LRRC7: variants seen among roughly 807,000 people sequenced by gnomAD.
LRRC7 encodes the protein leucine-rich repeat-containing protein 7.
A neutral mutation model predicts 175.7 loss-of-function variants in LRRC7; 23 were observed. The observed-to-expected ratio is 0.13, with a 90% CI of 0.09 to 0.19. The LOEUF is 0.19. Ranked by LOEUF, LRRC7 falls within the 10% of genes least tolerant of loss-of-function variation. LRRC7 has a pLI of 1.00. For synonymous variants in LRRC7, 685 were observed against 680.9 expected (o/e 1.01, Z -0.09); for missense variants, 1,354 against 1,904.7 (o/e 0.71, Z 5.38).
chr1:69,697,379 A>G (rs1662743655), intron 2 of LRRC7, among the ~76,000 whole-genome samples: 1 of 152,214 alleles, frequency 6.6e-6, no homozygotes, highest in South Asian at 2.1e-4. Context: ...TACCTTGTTC[A>G]ATTCCACTGA....
chr1:69,706,975 A>G (rs1664113020), intron 2 of LRRC7, among the ~76,000 whole-genome samples: 1 of 152,204 alleles, frequency 6.6e-6, no homozygotes, highest in South Asian at 2.1e-4. Flanking sequence ...TACAGAAAAT[A>G]TACAAAAAAG....
At chr1:69,919,628 C>A in intron 7 of LRRC7, 1 of 853,424 alleles carries the variant, frequency 1.2e-6, no homozygotes, top group Non-Finnish European at 2.0e-6. Context: ...CGGCTACATC[C>A]AGAAGATCAA....
At chr1:70,118,063 GCACACACA>G (rs71583108) in intron 26 of LRRC7, among the ~76,000 whole-genome samples, 5 of 146,780 alleles carry the variant, frequency 3.4e-5, no homozygotes, top group African/African-American at 7.6e-5. Context: ...CTTCTTCTAT[GCACACACA>G]CACACACACA....
chr1:69,836,374 T>C (rs1324548853), intron 6 of LRRC7, among the ~76,000 whole-genome samples: 1 of 152,050 alleles, frequency 6.6e-6, no homozygotes, highest in Admixed American at 6.6e-5. Context: ...GCCTTGCCTT[T>C]CTGGTACTGA....
intron 1 of LRRC7, among the ~76,000 whole-genome samples, chr1:69,584,265 T>A (rs1241774667): frequency 6.6e-6 from 1 of 152,122 alleles, no homozygotes; most frequent in Non-Finnish European, 1.5e-5. Flanking sequence ...GAGGTTATTT[T>A]GGGGGTCTTC....
intron 24 of LRRC7, among the ~76,000 whole-genome samples, chr1:70,079,980 C>G (rs2102141782): frequency 6.6e-6 from 1 of 152,260 alleles, no homozygotes; most frequent in South Asian, 2.1e-4. Flanking sequence ...TGTAATTGGC[C>G]AAGCTGGAAT....
intron 2 of LRRC7, among the ~76,000 whole-genome samples, chr1:69,697,923 A>G (rs1410557630): frequency 1.3e-5 from 2 of 152,214 alleles, no homozygotes; most frequent in African/African-American, 4.8e-5. Context: ...CCTTGGAGGC[A>G]AAACCAAATA....
At chr1:69,869,758 G>A (rs1685325344) in intron 7 of LRRC7, among the ~76,000 whole-genome samples, 1 of 152,084 alleles carries the variant, frequency 6.6e-6, no homozygotes. Flanking sequence ...CTTTGATATA[G>A]GGAATAATCA....
intron 11 of LRRC7, 55 bp from the exon 12 acceptor site, chr1:70,011,742 A>G: frequency 1.5e-6 from 2 of 1,324,200 alleles, no homozygotes; most frequent in East Asian, 2.4e-5. Context: ...GGCTTTTTCA[A>G]AACATTTTGC....
chr1:70,104,201 ACT>A (rs1664991844), intron 25 of LRRC7, among the ~76,000 whole-genome samples: 1 of 152,094 alleles, frequency 6.6e-6, no homozygotes, highest in African/African-American at 2.4e-5. Context: ...TTCCCACCAA[ACT>A]CTGTCATCAG....
At chr1:69,806,265 TAA>T (rs1677105819) in intron 4 of LRRC7, among the ~76,000 whole-genome samples, 1 of 151,932 alleles carries the variant, frequency 6.6e-6, no homozygotes, top group African/African-American at 2.4e-5. Context: ...TCATTTCACA[TAA>T]AAGACTCAAT....
intron 25 of LRRC7, among the ~76,000 whole-genome samples, chr1:70,101,149 G>T (rs1342269560): frequency 6.6e-6 from 1 of 152,038 alleles, no homozygotes; most frequent in South Asian, 2.1e-4. Context: ...TAGAAAAAAA[G>T]TTTCCCCCTA....
intron 8 of LRRC7, among the ~76,000 whole-genome samples, chr1:69,946,938 C>T (rs1277460213): frequency 1.3e-5 from 2 of 151,778 alleles, no homozygotes; most frequent in African/African-American, 2.4e-5. Context: ...CTTAGCCACT[C>T]GTGGTGGTGC....
chr1:70,044,172 A>C, intron 22 of LRRC7, 78 bp downstream of exon 22: 1 of 1,486,376 alleles, frequency 6.7e-7, no homozygotes, highest in South Asian at 1.3e-5. Flanking sequence ...TGTTTAGGCT[A>C]TACATACAAC....
At chr1:69,795,654 C>A (rs1268844244) in intron 4 of LRRC7, among the ~76,000 whole-genome samples, 1 of 152,042 alleles carries the variant, frequency 6.6e-6, no homozygotes, top group African/African-American at 2.4e-5. Context: ...GTTAAAATTA[C>A]CTAAAATGTG....
chr1:70,119,556 C>T (rs1288925220), intron 26 of LRRC7, among the ~76,000 whole-genome samples: 1 of 150,532 alleles, frequency 6.6e-6, no homozygotes, highest in African/African-American at 2.5e-5. Context: ...ACATTGAGAG[C>T]CGACTAACCT....
chr1:69,824,761 G>A (rs1386447794), intron 4 of LRRC7, among the ~76,000 whole-genome samples: 1 of 152,092 alleles, frequency 6.6e-6, no homozygotes, highest in Non-Finnish European at 1.5e-5. Flanking sequence ...GCCACAAAGT[G>A]TTCCTTATCC....
chr1:69,779,331 G>C (rs900310745), intron 3 of LRRC7, among the ~76,000 whole-genome samples: 1 of 152,082 alleles, frequency 6.6e-6, no homozygotes, highest in Non-Finnish European at 1.5e-5. Flanking sequence ...AAACAATGAA[G>C]CTGGGTTGAA....
chr1:69,729,379 G>A (rs529547737), intron 2 of LRRC7, among the ~76,000 whole-genome samples: 4 of 152,202 alleles, frequency 2.6e-5, no homozygotes, highest in East Asian at 3.9e-4. Flanking sequence ...ATATCTGTGA[G>A]CCTGTAAAAT....
Sources: gnomAD v4.1 joint callset for allele counts (sites outside exome capture counted in the v4.1 genomes callset) on GRCh38, gnomAD v4.1.1 for gene constraint, MANE v1.5 for transcripts, NCBI Gene and HGNC (gene_info 2026-07-23, HGNC 2026-07-21) for gene names.